PRAMEF13: variants seen among roughly 807,000 people sequenced by gnomAD.
PRAMEF13 encodes PRAME family member 13.
A neutral mutation model predicts 13.2 loss-of-function variants in PRAMEF13; 2 were observed. The observed-to-expected ratio is 0.15, with a 90% CI of 0.06 to 0.48. PRAMEF13 has a LOEUF of 0.48. PRAMEF13 is among the 20% of genes least tolerant of loss of function. PRAMEF13 has a pLI of 0.97. For missense variants in PRAMEF13, 52 were observed against 276.4 expected (o/e 0.19, Z 5.76); for synonymous variants, 23 against 108.5 (o/e 0.21, Z 4.90).
At position 13,198,518 on chromosome 1, in the gene PRAMEF13, A is replaced by C. The variant is rs1305665660; in HGVS notation, c.676T>G (p.Cys226Gly). 1 of 1,039,906 alleles carries C rather than the reference A, an allele frequency of 9.6e-7. No homozygotes were observed. The highest frequency in any genetic ancestry group is 1.5e-5 in the African/African-American group (1 of 65,622). The allele number at this position is 1,039,906 out of a possible 1,614,324, so 64.4% of individuals were successfully genotyped here. Residue 226 changes from cysteine to glycine, a missense_variant, in exon 3 of 4, where the codon TGT becomes GGT. Physicochemically the swap from Cys to Gly is radical, Grantham distance 159 (BLOSUM62 -3). Transcript: ENST00000625019. The part of the protein sequence containing the change: ...SWPRLIRKLR[C>G]YLKEMKTLGK... ...AGAGTCTTCATCTCCTTCAGGTAAC[A>C]ACGAAGCTTTCTTATCAGACGTGGC...
chr1:13,200,507 G>A (rs1239773233), intron 1 of PRAMEF13: 1 of 58,150 alleles, frequency 1.7e-5, no homozygotes, highest in African/African-American at 3.9e-5. Context: ...CTGTACCTGG[G>A]CGCGGTGGCT....
In PRAMEF13 at chr1:13,198,482, C is replaced by T. The variant is rs1490552715; in HGVS notation, c.712G>A (p.Val238Ile). ...GTGGAATGATGGCACCTGGAGAAAA[C>T]GAGTTTGCCAAGAGTCTTCATCTCC... Reference protein sequence around the residue: ...LKEMKTLGKLVFSRCHHSTSD... With the variant: ...LKEMKTLGKLIFSRCHHSTSD... The change falls in exon 3 of 4, where the codon GTT becomes ATT. Residue 238 changes from valine (V) to isoleucine (I), a missense_variant. Val to Ile is a conservative substitution (Grantham distance 29, BLOSUM62 3). Coordinates refer to ENST00000625019, the MANE Select transcript of PRAMEF13 (RefSeq NM_001291380.1). 17 of 895,234 alleles carry T rather than the reference C, an allele frequency of 1.9e-5. 3 individuals carry two copies. Among genetic ancestry groups the T allele is most frequent in the East Asian group, 5.8e-5 (2 of 34,768 alleles). 55.5% of individuals were successfully genotyped at this position (895,234 alleles called of 1,614,324 possible).
Position 13,196,714 on chromosome 1 carries a change from GAAAT to G in PRAMEF13, c.*105_*108del. 1 of 295,128 alleles carries G rather than the reference GAAAT, an allele frequency of 3.4e-6. No individual in the cohort carries two copies. Among genetic ancestry groups the G allele is most frequent in the African/African-American group, 3.0e-5 (1 of 33,404 alleles). The allele number at this position is 295,128 out of a possible 1,614,324, so 18.3% of individuals were successfully genotyped here. ...AAAAATTTTGGAATTATTAAAAAAT[GAAAT>G]AAATAAGAAAAGAGAAAAATAGCTT... On this transcript the variant is annotated 3_prime_UTR_variant, in exon 4 of 4. Coordinates refer to ENST00000625019, the MANE Select transcript of PRAMEF13 (RefSeq NM_001291380.1).
chr1:13,198,236 T>C, intron 3 of PRAMEF13, 92 bp downstream of exon 3: 1 of 250,776 alleles, frequency 4.0e-6, no homozygotes, highest in Non-Finnish European at 7.4e-6. Flanking sequence ...ACGTTGCCAC[T>C]GGCTGGCACA....
rs1284410383 is a variant in PRAMEF13 at position 13,198,912 on chromosome 1, G to A, written c.288-6C>T. The A allele has an allele frequency of 1.1e-5, 7 of 664,156 alleles. No homozygotes were observed. In the African/African-American group the frequency reaches 1.1e-4, roughly 11 times the overall value. The allele number at this position is 664,156 out of a possible 1,614,324, so 41.1% of individuals were successfully genotyped here. A position where few individuals can be genotyped will look rare whatever the true frequency, so the allele number is the denominator to read the frequency against. ...GCACTTGAAGTTTCCGCCTCCTGTG[G>A]GTAAAGTAAGGGAGAGGCTCAGAAT... On this transcript the variant is annotated splice_polypyrimidine_tract_variant and splice_region_variant and intron_variant, in intron 2 of 3. Transcript: ENST00000625019.
At position 13,198,496 on chromosome 1, in the gene PRAMEF13, G is replaced by T. The variant is rs1162613053; in HGVS notation, c.698C>A (p.Thr233Asn). 86,050 of 865,686 alleles carry T rather than the reference G, an allele frequency of 0.099. 21,277 individuals are homozygous for T. The highest frequency in any genetic ancestry group is 0.41 in the African/African-American group (20,800 of 51,284). The allele number at this position is 865,686 out of a possible 1,614,324, so 53.6% of individuals were successfully genotyped here. A position where few individuals can be genotyped will look rare whatever the true frequency, so the allele number is the denominator to read the frequency against. ...KLRCYLKEMK[T>N]LGKLVFSRCH... ...CCTGGAGAAAACGAGTTTGCCAAGA[G>T]TCTTCATCTCCTTCAGGTAACAACG... is the stretch of plus-strand genomic sequence containing the variant. The change falls in exon 3 of 4, where the codon ACT (threonine) becomes AAT (asparagine). Residue 233 changes from threonine (T) to asparagine (N), a missense_variant. Coordinates refer to ENST00000625019, the MANE Select transcript of PRAMEF13 (RefSeq NM_001291380.1).
At position 13,197,619 on chromosome 1, in the gene PRAMEF13, C is replaced by CTT. The variant is rs1187944365; in HGVS notation, c.867-240_867-239dup. ...GTCAAGGCCATAAAATCTCTAAAGC[C>CTT]TTTTTTTTTTTTCATCTTTTAGCAG... On this transcript the variant is annotated intron_variant, in intron 3 of 3. Transcript: ENST00000625019. The CTT allele has an allele frequency of 4.2e-4, 47 of 112,296 alleles. 4 individuals are homozygous for CTT. In the Admixed American group the frequency reaches 4.3e-3, roughly 10 times the overall value. The allele number at this position is 112,296 out of a possible 1,614,324, so 7.0% of individuals were successfully genotyped here.
rs1470473679 is a variant in PRAMEF13, at chr1:13,199,309, C to T, written c.281G>A (p.Arg94His). The T allele has an allele frequency of 1.9e-5, 6 of 309,500 alleles. 1 individual carries two copies. Among genetic ancestry groups the T allele is most frequent in the African/African-American group, 3.2e-5 (1 of 31,166 alleles). 19.2% of individuals were successfully genotyped at this position (309,500 alleles called of 1,614,324 possible). A position where few individuals can be genotyped will look rare whatever the true frequency, so the allele number is the denominator to read the frequency against. ...GLHMLLTQKD[R>H]PRRRKLQVLD... is the part of the protein sequence containing the mutation. ...CCCTCCTGGGTCACCTCACCTGGGGCGATCCTTCTGTGTAAGCAGCATATG... is the reference window on the plus strand; with the variant it reads ...CCCTCCTGGGTCACCTCACCTGGGGTGATCCTTCTGTGTAAGCAGCATATG... Residue 94 changes from arginine to histidine, a missense_variant, in exon 2 of 4, where the codon CGC becomes CAC. Arg to His is a conservative substitution (Grantham distance 29). Transcript: ENST00000625019.
chr1:13,201,208 T>G, intron 1 of PRAMEF13, 124 bp downstream of exon 1: 1 of 39,358 alleles, frequency 2.5e-5, no homozygotes, highest in East Asian at 4.9e-4. Flanking sequence ...AATGAAAGCC[T>G]AAATCTGTTC....
chr1:13,198,929 G>A lies in PRAMEF13; in HGVS notation c.288-23C>T, dbSNP rs1222374752. 1.2e-5 allele frequency: 8 copies of A among 662,990 alleles called. 2 individuals carry two copies. Among genetic ancestry groups the A allele is most frequent in the African/African-American group, 3.8e-5 (2 of 53,076 alleles). The allele number at this position is 662,990 out of a possible 1,614,324, so 41.1% of individuals were successfully genotyped here. A position where few individuals can be genotyped will look rare whatever the true frequency, so the allele number is the denominator to read the frequency against. Reference sequence around the variant, plus strand: ...CTCCTGTGGGTAAAGTAAGGGAGAGGCTCAGAATTTAGAAGGACAAATCCC... The same window carrying A: ...CTCCTGTGGGTAAAGTAAGGGAGAGACTCAGAATTTAGAAGGACAAATCCC... On this transcript the variant is annotated intron_variant, in intron 2 of 3. Coordinates refer to ENST00000625019, the MANE Select transcript of PRAMEF13 (RefSeq NM_001291380.1).
In PRAMEF13 at chr1:13,196,830, C is replaced by T. The variant is rs1325299441; in HGVS notation, c.1418G>A (p.Cys473Tyr). The change falls in exon 4 of 4, where the codon TGC (cysteine) becomes TAC (tyrosine). Residue 473 changes from cysteine to tyrosine, a missense_variant. Coordinates refer to ENST00000625019, the MANE Select transcript of PRAMEF13 (RefSeq NM_001291380.1). ...SLSEELELHL[C>Y]C ...CCACTGGGCATGCCTTCCCTAGCAG[C>T]AAAGATGGAGCTCCAGTTCCTCAGA... The T allele has an allele frequency of 2.8e-5, 17 of 614,340 alleles. 4 individuals carry two copies. In the African/African-American group the frequency reaches 3.0e-4, roughly 11 times the overall value. The allele number at this position is 614,340 out of a possible 1,614,324, so 38.1% of individuals were successfully genotyped here.
In PRAMEF13 at chr1:13,198,867, G is replaced by C. The variant is rs1177154428; in HGVS notation, c.327C>G (p.Asp109Glu). ...CAGGCCATCTGGCCCAGAAATTCTCGTCAACATCCCGCAAATCCAGCACTT... is the reference window on the plus strand; with the variant it reads ...CAGGCCATCTGGCCCAGAAATTCTCCTCAACATCCCGCAAATCCAGCACTT... The part of the protein sequence containing the change: ...KLQVLDLRDV[D>E]ENFWARWPGA... Residue 109 changes from aspartate to glutamate, a missense_variant, in exon 3 of 4, where the codon GAC becomes GAG. Physicochemically the swap from Asp to Glu is conservative, Grantham distance 45. Transcript: ENST00000625019. 1.5e-6 allele frequency: 1 copy of C among 682,826 alleles called. No individual in the cohort carries two copies. The highest frequency in any genetic ancestry group is 1.9e-5 in the African/African-American group (1 of 53,390). 42.3% of individuals were successfully genotyped at this position (682,826 alleles called of 1,614,324 possible).
chr1:13,201,053 T>G (rs1401211615), intron 1 of PRAMEF13: 1 of 61,454 alleles, frequency 1.6e-5, no homozygotes, highest in Non-Finnish European at 3.8e-5. Context: ...ACAAATAACT[T>G]CAAATGTCAA....
chr1:13,198,861 A>G lies in PRAMEF13; in HGVS notation c.333T>C (p.Asn111=). 1 of 683,926 alleles carries G rather than the reference A, an allele frequency of 1.5e-6. No individual in the cohort carries two copies. The highest frequency in any genetic ancestry group is 2.1e-6 in the Non-Finnish European group (1 of 477,378). 42.4% of individuals were successfully genotyped at this position (683,926 alleles called of 1,614,324 possible). A position where few individuals can be genotyped will look rare whatever the true frequency, so the allele number is the denominator to read the frequency against. The change falls in exon 3 of 4, where the codon AAT becomes AAC. Residue 111 remains asparagine (N), a synonymous_variant. Transcript: ENST00000625019. ...AGGCTCCAGGCCATCTGGCCCAGAA[A>G]TTCTCGTCAACATCCCGCAAATCCA... ...QVLDLRDVDE[N]FWARWPGAWA...
rs1638664937 is a variant in PRAMEF13 at position 13,199,063 on chromosome 1, C to T, written c.288-157G>A. The T allele has an allele frequency of 2.3e-5, 7 of 305,138 alleles. 1 individual carries two copies. The highest frequency in any genetic ancestry group is 4.9e-5 in the East Asian group (1 of 20,442). 18.9% of individuals were successfully genotyped at this position (305,138 alleles called of 1,614,324 possible). On this transcript the variant is annotated intron_variant, in intron 2 of 3. Transcript: ENST00000625019. ...TTTTCCCTTTGGATTCTGAGTGGTC[C>T]CCACTTCTATTCCCTTTACCTTCCA... is the stretch of plus-strand genomic sequence containing the variant.
chr1:13,197,150 G>C lies in PRAMEF13; in HGVS notation c.1098C>G (p.Leu366=). Reference sequence around the variant, plus strand: ...GGCTCAGGCCAGGCAGGATGGCACTGAGTTGGGAGTAGTGGATCTGACAGC... The same window carrying C: ...GGCTCAGGCCAGGCAGGATGGCACTCAGTTGGGAGTAGTGGATCTGACAGC... ...LEGCQIHYSQ[L]SAILPGLSRC... is the part of the protein sequence containing the mutation. Residue 366 remains leucine, a synonymous_variant, in exon 4 of 4, where the codon CTC becomes CTG. Coordinates refer to ENST00000625019, the MANE Select transcript of PRAMEF13 (RefSeq NM_001291380.1). The C allele has an allele frequency of 7.2e-6, 3 of 416,900 alleles. 1 individual carries two copies. Among genetic ancestry groups the C allele is most frequent in the Non-Finnish European group, 1.1e-5 (3 of 269,642 alleles). 25.8% of individuals were successfully genotyped at this position (416,900 alleles called of 1,614,324 possible). A position where few individuals can be genotyped will look rare whatever the true frequency, so the allele number is the denominator to read the frequency against.
chr1:13,199,091 G>A, intron 2 of PRAMEF13, 185 bp from the exon 3 acceptor site: 1 of 302,638 alleles, frequency 3.3e-6, no homozygotes, highest in Non-Finnish European at 6.1e-6. Context: ...ACCTTCCACT[G>A]AGAAAAGGCA....
Position 13,196,596 on chromosome 1 carries a change from T to C in PRAMEF13, c.*227A>G. ...ACTCATGCCAGTAATCCCAGCACTT[T>C]AGGAAGCTGAGGCAGGAGGACCCCA... On this transcript the variant is annotated 3_prime_UTR_variant, in exon 4 of 4. Transcript: ENST00000625019. 6.7e-6 allele frequency: 1 copy of C among 148,884 alleles called. No homozygotes were observed. Among genetic ancestry groups the C allele is most frequent in the Non-Finnish European group, 1.2e-5 (1 of 81,442 alleles). The allele number at this position is 148,884 out of a possible 1,614,324, so 9.2% of individuals were successfully genotyped here. A position where few individuals can be genotyped will look rare whatever the true frequency, so the allele number is the denominator to read the frequency against.
Position 13,198,134 on chromosome 1 carries a change from G to C in PRAMEF13, c.866+194C>G, listed in dbSNP as rs1185383382. On this transcript the variant is annotated intron_variant, in intron 3 of 3. Coordinates refer to ENST00000625019, the MANE Select transcript of PRAMEF13 (RefSeq NM_001291380.1). The stretch of plus-strand genomic sequence containing the variant: ...AGCTTCTACCCCAGGTGACCCCTCT[G>C]CCCTTATTGGAGCGATCCTGTGATA... 1.3e-4 allele frequency: 19 copies of C among 141,620 alleles called. 4 individuals are homozygous for C. Among genetic ancestry groups the C allele is most frequent in the South Asian group, 5.5e-4 (15 of 27,392 alleles). 8.8% of individuals were successfully genotyped at this position (141,620 alleles called of 1,614,324 possible). A position where few individuals can be genotyped will look rare whatever the true frequency, so the allele number is the denominator to read the frequency against.
Sources: gnomAD v4.1 joint callset for allele counts on GRCh38, gnomAD v4.1.1 for gene constraint, MANE v1.5 for transcripts, NCBI Gene and HGNC (gene_info 2026-07-23, HGNC 2026-07-21) for gene names.